Variants in VPS50 observed in about 807,000 individuals in gnomAD.
VPS50 encodes VPS50 subunit of EARP/GARPII complex.
VPS50 carries 70 observed loss-of-function variants against 139.7 expected under a neutral mutation model. That is an observed-to-expected ratio of 0.50 (90% CI 0.41 to 0.61). VPS50 has a LOEUF of 0.61. Among genes scored for constraint, VPS50 ranks in the 20% least tolerant of loss-of-function variants. The pLI is 0.00. For missense variants in VPS50, 921 were observed against 1,133.7 expected, an observed-to-expected ratio of 0.81 and a Z score of 2.69; for synonymous variants, 365 against 376.7, an observed-to-expected ratio of 0.97 and a Z score of 0.36.
intron 20 of VPS50, 114 bp from the exon 21 acceptor site, chr7:93,323,497 A>G (rs932021295): frequency 9.4e-5 from 29 of 309,102 alleles, no homozygotes; most frequent in Admixed American, 1.5e-4. Context: ...AGGGAGTGCA[A>G]TGTTTCATTA....
intron 4 of VPS50, among the ~76,000 whole-genome samples, chr7:93,254,446 T>C (rs1795428848): frequency 6.6e-6 from 1 of 152,124 alleles, no homozygotes; most frequent in African/African-American, 2.4e-5. Context: ...TTTTTTAACG[T>C]TTTGTAGAGA....
chr7:93,345,928 T>G lies in VPS50; in HGVS notation c.2208-2783T>G, dbSNP rs181977028. ...TTTGAAAACTGGCACAAGACAGGGA[T>G]GCCCTCTCTTACCAATCCTATTCAA... On this transcript the variant is annotated intron_variant, in intron 23 of 27. Coordinates refer to ENST00000305866, the MANE Select transcript of VPS50 (RefSeq NM_017667.4). 3.0e-3 allele frequency among the ~76,000 whole-genome samples: 462 copies of G among 152,328 alleles called. 1 individual carries two copies. Among genetic ancestry groups the G allele is most frequent in the African/African-American group, 0.011 (442 of 41,584 alleles).
At chr7:93,249,817 A>G (rs1307575290) in intron 2 of VPS50, among the ~76,000 whole-genome samples, 11 of 151,902 alleles carry the variant, frequency 7.2e-5, no homozygotes, top group Middle Eastern at 3.4e-3. Flanking sequence ...CTTCCATTTC[A>G]TTTCTGACTT....
chr7:93,287,163 T>G (rs1257685738), intron 12 of VPS50, among the ~76,000 whole-genome samples: 1 of 152,076 alleles, frequency 6.6e-6, no homozygotes, highest in Non-Finnish European at 1.5e-5. Flanking sequence ...TAGTCTTATG[T>G]TTGTACATGT....
intron 1 of VPS50, among the ~76,000 whole-genome samples, 168 bp downstream of exon 1, chr7:93,232,668 TG>T (rs1794671233): frequency 6.6e-6 from 1 of 152,108 alleles, no homozygotes; most frequent in South Asian, 2.1e-4. Flanking sequence ...CTGGGCCGCC[TG>T]GGTTGGAGCA....
intron 23 of VPS50, among the ~76,000 whole-genome samples, chr7:93,345,323 T>C (rs1798358482): frequency 6.6e-6 from 1 of 152,080 alleles, no homozygotes; most frequent in Non-Finnish European, 1.5e-5. Context: ...GAGCTGAAAT[T>C]GTGGCAATAA....
At chr7:93,271,637 G>A (rs982556263) in intron 10 of VPS50, among the ~76,000 whole-genome samples, 1 of 151,630 alleles carries the variant, frequency 6.6e-6, no homozygotes, top group Non-Finnish European at 1.5e-5. Flanking sequence ...ATTATTGGCT[G>A]ATGAAAACCC....
chr7:93,293,897 T>G (rs1298518142), intron 13 of VPS50, among the ~76,000 whole-genome samples: 1 of 152,178 alleles, frequency 6.6e-6, no homozygotes, highest in Non-Finnish European at 1.5e-5. Context: ...GTGGATAACT[T>G]CCCAACCTAA....
chr7:93,271,015 A>G, intron 9 of VPS50: 1 of 654,660 alleles, frequency 1.5e-6, no homozygotes, highest in Non-Finnish European at 2.1e-6. Context: ...CTACTCACGC[A>G]ATCCTGTTGC....
chr7:93,286,874 G>A (rs1428350304), intron 12 of VPS50, among the ~76,000 whole-genome samples: 1 of 151,960 alleles, frequency 6.6e-6, no homozygotes. Context: ...ATTGACACCA[G>A]TTGGTTGCAT....
chr7:93,272,858 C>T, intron 11 of VPS50, 125 bp downstream of exon 11: 1 of 548,402 alleles, frequency 1.8e-6, no homozygotes, highest in South Asian at 2.3e-5. Context: ...CATTTTTATT[C>T]TGAATTAACA....
chr7:93,269,330 T>C (rs1795936994), intron 9 of VPS50, among the ~76,000 whole-genome samples: 2 of 152,098 alleles, frequency 1.3e-5, no homozygotes, highest in African/African-American at 4.8e-5. Flanking sequence ...CCTTAATCTA[T>C]GTCTGATATT....
chr7:93,242,336 G>T (rs1000424369), intron 2 of VPS50, among the ~76,000 whole-genome samples: 1 of 151,860 alleles, frequency 6.6e-6, no homozygotes, highest in Non-Finnish European at 1.5e-5. Flanking sequence ...ACAGGGCGAT[G>T]AGATAAACTC....
rs879786637 is a variant in VPS50, at chr7:93,346,820, C to G, written c.2208-1891C>G. ...CCTTCCTTACACCTTATACAAAAAT[C>G]AATTCAAGATGGATTAAAGACTTAA... On this transcript the variant is annotated intron_variant, in intron 23 of 27. Coordinates refer to ENST00000305866, the MANE Select transcript of VPS50 (RefSeq NM_017667.4). Among the ~76,000 whole-genome samples, 68 of 133,964 alleles carry G rather than the reference C, an allele frequency of 5.1e-4. No individual in the cohort carries two copies. The South Asian group carries it at 0.011, about 22-fold the overall frequency. The allele number at this position is 133,964 out of a possible 152,430, so 87.9% of individuals were successfully genotyped here.
In VPS50 at chr7:93,341,430, G is replaced by A; in HGVS notation, c.2062G>A (p.Val688Ile). The change falls in exon 23 of 28, where the codon GTT becomes ATT. Residue 688 changes from valine (V) to isoleucine (I), a missense_variant. By Grantham distance (29) the Val-to-Ile change is conservative. This residue lies in a region of VPS50 where 744 missense variants were observed against 930.6 expected (regional missense o/e 0.80). Transcript: ENST00000305866. Reference sequence around the variant, plus strand: ...TGTATATCTATTGTATTTTCAGGAAGTTTCAGCTGATCCTACTGCCACACT... The same window carrying A: ...TGTATATCTATTGTATTTTCAGGAAATTTCAGCTGATCCTACTGCCACACT... ...RIQESLIDLE[V>I]SADPTATLTA... The A allele has an allele frequency of 1.2e-6, 2 of 1,603,628 alleles. No individual in the cohort carries two copies. The highest frequency in any genetic ancestry group is 1.7e-6 in the Non-Finnish European group (2 of 1,176,346).
At chr7:93,246,260 A>C in intron 2 of VPS50, 1 of 662,714 alleles carries the variant, frequency 1.5e-6, no homozygotes, top group Admixed American at 2.6e-5. Flanking sequence ...ATGCTTGTAA[A>C]ATTTCTCCAC....
At chr7:93,303,055 C>G (rs1202173318) in intron 16 of VPS50, among the ~76,000 whole-genome samples, 2 of 151,860 alleles carry the variant, frequency 1.3e-5, no homozygotes, top group African/African-American at 4.8e-5. Context: ...TGCTGTTTAA[C>G]ATAATATGTT....
At chr7:93,307,897 A>G (rs1797160392) in intron 18 of VPS50, among the ~76,000 whole-genome samples, 1 of 151,856 alleles carries the variant, frequency 6.6e-6, no homozygotes, top group Non-Finnish European at 1.5e-5. Flanking sequence ...CTCTCAAAAA[A>G]TAGTTGTTGA....
In VPS50 at chr7:93,341,483, G is replaced by A. The variant is rs1312270845; in HGVS notation, c.2115G>A (p.Lys705=). 1.9e-6 allele frequency: 3 copies of A among 1,612,534 alleles called. No homozygotes were observed. The highest frequency in any genetic ancestry group is 2.7e-5 in the African/African-American group (2 of 74,826). The change falls in exon 23 of 28, where the codon AAG becomes AAA. Residue 705 remains lysine (K), a synonymous_variant. Transcript: ENST00000305866. ...CAGCAGCAGAAGAAAGAAAGGAGAA[G>A]GTGCCAAGTCCACACCTCAGTCACC... The part of the protein sequence containing the change: ...TLTAAEERKE[K]VPSPHLSHLV...
Sources: gnomAD v4.1 joint callset for allele counts (sites outside exome capture counted in the v4.1 genomes callset) on GRCh38, gnomAD v4.1.1 for gene constraint, gnomAD v4.1.1 regional missense constraint, MANE v1.5 for transcripts, NCBI Gene and HGNC (gene_info 2026-07-23, HGNC 2026-07-21) for gene names.